DIP2C: variants seen among roughly 807,000 people sequenced by gnomAD.
DIP2C encodes disco-interacting protein 2 homolog C.
DIP2C carries 33 observed loss-of-function variants against 192.4 expected under a neutral mutation model. The observed-to-expected ratio is 0.17, with a 90% CI of 0.13 to 0.23. The LOEUF (loss-of-function observed/expected upper bound fraction) is 0.23. DIP2C is among the 10% of genes least tolerant of loss of function. The probability of loss-of-function intolerance (pLI) is 1.00; values close to 1 mark genes in which losing one functional copy is unlikely to be tolerated. For synonymous variants in DIP2C, 979 were observed against 864.1 expected (o/e 1.13, Z -2.33); for missense variants, 1,537 against 2,110.1 (o/e 0.73, Z 5.32).
chr10:524,513 T>G (rs1398687854), intron 1 of DIP2C, among the ~76,000 whole-genome samples: 1 of 152,208 alleles, frequency 6.6e-6, no homozygotes, highest in African/African-American at 2.4e-5. Context: ...TGTGTATATG[T>G]GCAAATGTAT....
At chr10:672,390 G>C (rs568495748) in intron 1 of DIP2C, among the ~76,000 whole-genome samples, 1 of 152,290 alleles carries the variant, frequency 6.6e-6, no homozygotes, top group Non-Finnish European at 1.5e-5. Flanking sequence ...GGAACGTCCC[G>C]GCCATGCACT....
chr10:655,587 C>A (rs1259393460), intron 1 of DIP2C, among the ~76,000 whole-genome samples: 1 of 152,184 alleles, frequency 6.6e-6, no homozygotes, highest in Non-Finnish European at 1.5e-5. Flanking sequence ...CTGTTCTGTG[C>A]TTTGCGACTC....
In DIP2C at chr10:486,909, C is replaced by T. The variant is rs539862710; in HGVS notation, c.86-379G>A. ...CTGCAGCTGCCAGGGCCGGGATGGC[C>T]GACACCAGCACCTATTGGCATCTTC... is the stretch of plus-strand genomic sequence containing the variant. On this transcript the variant is annotated intron_variant, in intron 1 of 36. Coordinates refer to ENST00000280886, the MANE Select transcript of DIP2C (RefSeq NM_014974.3). Among the ~76,000 whole-genome samples, 30 of 152,312 alleles carry T rather than the reference C, an allele frequency of 2.0e-4. No individual in the cohort carries two copies. In the East Asian group the frequency reaches 4.6e-3, roughly 24 times the overall value.
At chr10:423,398 T>G (rs1966343730) in intron 4 of DIP2C, among the ~76,000 whole-genome samples, 1 of 152,204 alleles carries the variant, frequency 6.6e-6, no homozygotes, top group Non-Finnish European at 1.5e-5. Flanking sequence ...TGAGGGCCTG[T>G]GCGGCTCTCA....
At chr10:478,802 T>C (rs1425178281) in intron 2 of DIP2C, among the ~76,000 whole-genome samples, 1 of 151,884 alleles carries the variant, frequency 6.6e-6, no homozygotes, top group Non-Finnish European at 1.5e-5. Context: ...CAAATTCCCA[T>C]CTTATTCTCA....
chr10:410,950 T>C (rs1483300911), intron 8 of DIP2C, among the ~76,000 whole-genome samples: 2 of 152,206 alleles, frequency 1.3e-5, no homozygotes, highest in Non-Finnish European at 2.9e-5. Context: ...GTATTAGATA[T>C]TAATTGTAAT....
At chr10:646,711 C>T (rs1226619648) in intron 1 of DIP2C, among the ~76,000 whole-genome samples, 1 of 152,190 alleles carries the variant, frequency 6.6e-6, no homozygotes, top group Non-Finnish European at 1.5e-5. Context: ...ACCAAACACA[C>T]AAGCAGAATT....
chr10:415,223 G>A (rs558575555), intron 7 of DIP2C, among the ~76,000 whole-genome samples: 1 of 152,198 alleles, frequency 6.6e-6, no homozygotes, highest in South Asian at 2.1e-4. Flanking sequence ...CTTTATGACT[G>A]ACAAAATCAG....
intron 31 of DIP2C, among the ~76,000 whole-genome samples, chr10:314,223 GT>G (rs1432544609): frequency 1.3e-4 from 20 of 152,292 alleles, no homozygotes; most frequent in Middle Eastern, 3.4e-3. Context: ...CCTTAATGAT[GT>G]ACTCCCAGTG....
At chr10:555,932 A>AG (rs1183935307) in intron 1 of DIP2C, among the ~76,000 whole-genome samples, 3 of 152,082 alleles carry the variant, frequency 2.0e-5, no homozygotes, top group Non-Finnish European at 4.4e-5. Context: ...GCCCTGCAGC[A>AG]GCAGCCGCTG....
Position 610,310 on chromosome 10 carries a change from G to T in DIP2C, c.85+79184C>A, listed in dbSNP as rs572693388. 6.7e-4 allele frequency among the ~76,000 whole-genome samples: 102 copies of T among 152,228 alleles called. 1 individual carries two copies. The highest frequency in any genetic ancestry group is 1.2e-3 in the Non-Finnish European group (80 of 68,046). ...GGTGGTCAGCAGGGCCCACTCATAA[G>T]CAGCATGGGGAGAGGCTGGTAAGGG... is the stretch of plus-strand genomic sequence containing the variant. On this transcript the variant is annotated intron_variant, in intron 1 of 36. Transcript: ENST00000280886.
At chr10:474,329 T>C (rs146386743) in intron 2 of DIP2C, among the ~76,000 whole-genome samples, 1,581 of 152,318 alleles carry the variant, frequency 0.01, 13 homozygotes, top group Middle Eastern at 0.027. Flanking sequence ...TCAATGATTC[T>C]GGAGTTAATA....
chr10:550,492 T>C lies in DIP2C; in HGVS notation c.86-63962A>G, dbSNP rs1848526643. Among the ~76,000 whole-genome samples, 2 of 152,186 alleles carry C rather than the reference T, an allele frequency of 1.3e-5. 1 individual carries two copies. Among genetic ancestry groups the C allele is most frequent in the Admixed American group, 1.3e-4 (2 of 15,280 alleles). The stretch of plus-strand genomic sequence containing the variant: ...GTGGCTCTAAGATCATCTCGGCATC[T>C]TTATATTGAAGCTACTGAAGTTTTA... On this transcript the variant is annotated intron_variant, in intron 1 of 36. Transcript: ENST00000280886.
chr10:393,508 T>C (rs7914930), intron 10 of DIP2C, among the ~76,000 whole-genome samples: 93,481 of 152,034 alleles, frequency 0.61, 28,798 homozygotes, highest in East Asian at 0.76. Context: ...CCAGGCGCGA[T>C]GGCTCAGGCC....
chr10:397,758 T>TA (rs1964111425), intron 10 of DIP2C, among the ~76,000 whole-genome samples: 2 of 152,206 alleles, frequency 1.3e-5, no homozygotes, highest in South Asian at 4.1e-4. Context: ...CCACATGGAC[T>TA]AAAACCTTAC....
chr10:379,696 T>G (rs1341512886), intron 17 of DIP2C, among the ~76,000 whole-genome samples: 1 of 152,268 alleles, frequency 6.6e-6, no homozygotes, highest in Non-Finnish European at 1.5e-5. Context: ...AGCAAATGCA[T>G]CTGCAATTTT....
chr10:447,163 A>G (rs1009940360), intron 3 of DIP2C, among the ~76,000 whole-genome samples: 156 of 148,166 alleles, frequency 1.1e-3, no homozygotes, highest in East Asian at 5.6e-3. Flanking sequence ...AGCAGGACCC[A>G]CTCACCCCTG....
chr10:654,660 A>G (rs1856169027), intron 1 of DIP2C, among the ~76,000 whole-genome samples: 1 of 152,158 alleles, frequency 6.6e-6, no homozygotes, highest in South Asian at 2.1e-4. Flanking sequence ...GTGCCTTAAA[A>G]GTAAGAAAGC....
Position 351,841 on chromosome 10 carries a change from CTCT to C in DIP2C, c.2986-2390_2986-2388del, listed in dbSNP as rs1465732475. On this transcript the variant is annotated intron_variant, in intron 24 of 36. Transcript: ENST00000280886. ...CTCCTTGCCGCCAACGTCCTCTGAG[CTCT>C]TCAAGTGAACATGGGACAGAGACAC... Among the ~76,000 whole-genome samples the C allele has an allele frequency of 1.2e-3, 185 of 152,342 alleles. 1 individual carries two copies. The highest frequency in any genetic ancestry group is 7.3e-5 in the Non-Finnish European group (5 of 68,038).
Sources: gnomAD v4.1 joint callset for allele counts (sites outside exome capture counted in the v4.1 genomes callset) on GRCh38, gnomAD v4.1.1 for gene constraint, MANE v1.5 for transcripts, NCBI Gene and HGNC (gene_info 2026-07-23, HGNC 2026-07-21) for gene names.